The following FUT8 variants were observed in gnomAD, a reference collection of about 807,000 sequenced individuals.
FUT8 encodes the protein alpha-(1,6)-fucosyltransferase.
FUT8 carries 29 observed loss-of-function variants against 71.3 expected under a neutral mutation model. The ratio of observed to expected loss-of-function variants is 0.41; its 90% CI spans 0.30 to 0.55. The LOEUF is 0.55. Ranked by LOEUF, FUT8 falls within the 20% of genes least tolerant of loss-of-function variation. The pLI is 0.34. For synonymous variants in FUT8, 254 were observed against 239.3 expected, an observed-to-expected ratio of 1.06 and a Z score of -0.57; for missense variants, 544 against 702.1, an observed-to-expected ratio of 0.77 and a Z score of 2.55.
At chr14:65,538,169 C>T (rs767362250) in intron 2 of FUT8, among the ~76,000 whole-genome samples, 1 of 152,194 alleles carries the variant, frequency 6.6e-6, no homozygotes, top group East Asian at 1.9e-4. Context: ...ACACCAAACC[C>T]TCTGGGCTCT....
intron 2 of FUT8, among the ~76,000 whole-genome samples, chr14:65,547,479 A>T (rs777878297): frequency 7.9e-5 from 12 of 151,630 alleles, no homozygotes; most frequent in Non-Finnish European, 1.6e-4. Flanking sequence ...ATTAGAAATG[A>T]GGAGGGGGCA....
rs879808050 is a variant in FUT8 at position 65,641,579 on chromosome 14, A to C, written c.597+11973A>C. On this transcript the variant is annotated intron_variant, in intron 6 of 10. Transcript: ENST00000673929. ...CAGTGTAGGTTTAACTTTTTAAGAA[A>C]CTGTTTGAACTGTTTACAAAAGTGA... 1.7e-4 allele frequency among the ~76,000 whole-genome samples: 26 copies of C among 152,180 alleles called. No homozygotes were observed. The East Asian group carries it at 4.6e-3, about 27-fold the overall frequency.
At chr14:65,672,358 A>G (rs1892515127) in intron 7 of FUT8, among the ~76,000 whole-genome samples, 1 of 152,236 alleles carries the variant, frequency 6.6e-6, no homozygotes, top group African/African-American at 2.4e-5. Context: ...TACACATACT[A>G]GACCTGATTC....
chr14:65,587,096 G>A (rs966165890), intron 3 of FUT8, among the ~76,000 whole-genome samples: 1 of 152,044 alleles, frequency 6.6e-6, no homozygotes, highest in Non-Finnish European at 1.5e-5. Context: ...TGCTGAGGCA[G>A]GGGAATGGTG....
At chr14:65,563,251 GGTTA>G (rs1413337994) in intron 3 of FUT8, among the ~76,000 whole-genome samples, 3 of 151,936 alleles carry the variant, frequency 2.0e-5, no homozygotes, top group Non-Finnish European at 2.9e-5. Flanking sequence ...ATAATTTAGG[GGTTA>G]GTAATAATAG....
At chr14:65,394,100 G>A in the FUT8 span, among the ~76,000 whole-genome samples, 3 of 152,132 alleles carry the variant, frequency 2.0e-5, no homozygotes, top group Admixed American at 1.3e-4. Flanking sequence ...GGGATTACAC[G>A]CATGCACCAC....
intron 5 of FUT8, among the ~76,000 whole-genome samples, chr14:65,621,100 A>G (rs532331290): frequency 6.6e-6 from 1 of 152,262 alleles, no homozygotes; most frequent in East Asian, 1.9e-4. Context: ...TTTGGGTGTG[A>G]TTTCCAAACT....
At chr14:65,728,923 T>C (rs943555026) in intron 9 of FUT8, among the ~76,000 whole-genome samples, 5 of 152,230 alleles carry the variant, frequency 3.3e-5, no homozygotes, top group Admixed American at 6.5e-5. Flanking sequence ...ATCCTCGTTG[T>C]TAACTGGAGC....
At chr14:65,723,808 GT>G (rs1259278413) in intron 8 of FUT8, among the ~76,000 whole-genome samples, 1 of 152,146 alleles carries the variant, frequency 6.6e-6, no homozygotes, top group African/African-American at 2.4e-5. Flanking sequence ...GTTGTATTCA[GT>G]TTTTTTCCAG....
Position 65,635,899 on chromosome 14 carries a change from C to G in FUT8, c.597+6293C>G, listed in dbSNP as rs376340428. ...CTTTCTCTGTCTTGTGGACTAGTAT[C>G]GAAAGGATTGGTACCAATTCTTCCT... On this transcript the variant is annotated intron_variant, in intron 6 of 10. Transcript: ENST00000673929. Among the ~76,000 whole-genome samples, 528 of 151,794 alleles carry G rather than the reference C, an allele frequency of 3.5e-3. 3 individuals carry two copies. The highest frequency in any genetic ancestry group is 0.017 in the Middle Eastern group (5 of 290).
intron 6 of FUT8, among the ~76,000 whole-genome samples, chr14:65,648,786 A>G (rs1891229908): frequency 6.6e-6 from 1 of 152,162 alleles, no homozygotes; most frequent in Non-Finnish European, 1.5e-5. Context: ...TGAGGGTAAC[A>G]CTTTTCATTT....
chr14:65,734,272 G>A (rs1488887481), intron 10 of FUT8, among the ~76,000 whole-genome samples: 1 of 151,992 alleles, frequency 6.6e-6, no homozygotes, highest in Non-Finnish European at 1.5e-5. Flanking sequence ...AAGAAGCGGA[G>A]AAAAGAAAAT....
At chr14:65,577,468 AT>A (rs1193414434) in intron 3 of FUT8, among the ~76,000 whole-genome samples, 3 of 152,092 alleles carry the variant, frequency 2.0e-5, no homozygotes, top group Admixed American at 2.0e-4. Flanking sequence ...AATAATATCT[AT>A]TTTGCAATAA....
intron 8 of FUT8, among the ~76,000 whole-genome samples, chr14:65,722,755 A>G (rs1201933426): frequency 6.6e-6 from 1 of 152,218 alleles, no homozygotes; most frequent in Non-Finnish European, 1.5e-5. Context: ...ATATGATTGT[A>G]TCCACATCTG....
At chr14:65,655,407 C>T (rs1373331690) in intron 6 of FUT8, among the ~76,000 whole-genome samples, 3 of 147,050 alleles carry the variant, frequency 2.0e-5, no homozygotes, top group Admixed American at 6.9e-5. Context: ...ACCTGGGAGG[C>T]GGAACTTGCA....
At chr14:65,445,669 G>A (rs184733449) in intron 1 of FUT8, among the ~76,000 whole-genome samples, 1 of 152,188 alleles carries the variant, frequency 6.6e-6, no homozygotes, top group Non-Finnish European at 1.5e-5. Flanking sequence ...TACTTTATAA[G>A]GCATTTGGTC....
chr14:65,623,649 C>T (rs143858183), intron 5 of FUT8, among the ~76,000 whole-genome samples: 11 of 152,234 alleles, frequency 7.2e-5, no homozygotes, highest in Non-Finnish European at 1.3e-4. Context: ...ACCCAGGAGG[C>T]GGAGGTTGCA....
intron 7 of FUT8, among the ~76,000 whole-genome samples, chr14:65,712,610 A>G (rs1249391873): frequency 6.6e-6 from 1 of 151,996 alleles, no homozygotes; most frequent in Non-Finnish European, 1.5e-5. Flanking sequence ...ACACCCGGCT[A>G]ATTTTTGTAT....
At chr14:65,368,508 T>C in the FUT8 span, among the ~76,000 whole-genome samples, 2 of 131,592 alleles carry the variant, frequency 1.5e-5, 1 homozygote, top group East Asian at 6.5e-4. Flanking sequence ...GCCTGGCTAT[T>C]TTTTTGTTGT....
Sources: allele counts gnomAD v4.1 joint callset (sites outside exome capture counted in the v4.1 genomes callset), GRCh38; gene constraint gnomAD v4.1.1; transcripts MANE v1.5; gene names NCBI Gene and HGNC (gene_info 2026-07-23, HGNC 2026-07-21).